Variants in USP18 observed in about 807,000 individuals in gnomAD.
USP18 encodes the protein ubiquitin specific peptidase 18.
Under a neutral mutation model 48.7 loss-of-function variants are expected in USP18, and 11 were observed. That is an observed-to-expected ratio of 0.23 (90% CI 0.14 to 0.37). The LOEUF (loss-of-function observed/expected upper bound fraction) is 0.37, where lower values mean the gene tolerates loss of function less well. USP18 is among the 10% of genes least tolerant of loss of function. USP18 has a pLI of 1.00. For synonymous variants in USP18, 114 were observed against 163.2 expected (o/e 0.70, Z 2.30); for missense variants, 285 against 436.4 (o/e 0.65, Z 3.09).
intron 6 of USP18, among the ~76,000 whole-genome samples, chr22:18,169,253 G>A (rs1929562946): frequency 2.0e-5 from 3 of 151,898 alleles, no homozygotes; most frequent in Non-Finnish European, 2.9e-5. Context: ...TTGTGACAGT[G>A]AGCTCTCATG....
In USP18 at chr22:18,157,880, C is replaced by T. The variant is rs1229512692; in HGVS notation, c.157+60C>T. On this transcript the variant is annotated intron_variant, in intron 2 of 10. Coordinates refer to ENST00000215794, the MANE Select transcript of USP18 (RefSeq NM_017414.4). ...TGCATGTAAATGTTCGGCTCACCCC[C>T]TCCGCTCTGAAGCCGCAGAGCTTTG... is the stretch of plus-strand genomic sequence containing the variant. The T allele has an allele frequency of 4.4e-6, 7 of 1,601,008 alleles. No individual in the cohort carries two copies. In the East Asian group the frequency reaches 1.1e-4, roughly 26 times the overall value.
intron 5 of USP18, among the ~76,000 whole-genome samples, 177 bp from the exon 6 acceptor site, chr22:18,167,713 A>G (rs1461687872): frequency 8.6e-5 from 13 of 151,640 alleles, no homozygotes; most frequent in Non-Finnish European, 1.8e-4. Flanking sequence ...AAAAAAAAAA[A>G]AAAAGAAAAA....
chr22:18,167,817 C>T, intron 5 of USP18, 73 bp from the exon 6 acceptor site: 1 of 1,523,792 alleles, frequency 6.6e-7, no homozygotes, highest in East Asian at 2.3e-5. Context: ...CTCTTGGCTC[C>T]ACCTTCTGGC....
At chr22:18,171,725 T>C (rs1403679097) in intron 8 of USP18, among the ~76,000 whole-genome samples, 1 of 152,166 alleles carries the variant, frequency 6.6e-6, no homozygotes, top group African/African-American at 2.4e-5. Context: ...TATTCCTGTA[T>C]GTACGGGTCT....
At chr22:18,174,614 A>C (rs1929732667) in intron 10 of USP18, among the ~76,000 whole-genome samples, 1 of 151,908 alleles carries the variant, frequency 6.6e-6, no homozygotes, top group South Asian at 2.1e-4. Flanking sequence ...TTAGAGATGG[A>C]GTCTTGCTTT....
At chr22:18,156,301 G>C (rs1929134936) in intron 1 of USP18, among the ~76,000 whole-genome samples, 2 of 152,212 alleles carry the variant, frequency 1.3e-5, no homozygotes. Flanking sequence ...CAATCAGCAG[G>C]ATGTGGGTGG....
intron 1 of USP18, among the ~76,000 whole-genome samples, chr22:18,157,217 C>T (rs1032310828): frequency 1.1e-4 from 17 of 152,386 alleles, no homozygotes; most frequent in Non-Finnish European, 2.4e-4. Context: ...GTATGCCAGC[C>T]TGGCATCAGG....
intron 6 of USP18, among the ~76,000 whole-genome samples, chr22:18,168,345 T>C (rs1376422533): frequency 6.6e-6 from 1 of 152,144 alleles, no homozygotes; most frequent in African/African-American, 2.4e-5. Context: ...CATTAATCCA[T>C]GAGTGGATTA....
intron 3 of USP18, among the ~76,000 whole-genome samples, chr22:18,160,809 C>T (rs1253497999): frequency 2.9e-5 from 4 of 139,444 alleles, no homozygotes; most frequent in East Asian, 4.2e-4. Flanking sequence ...CTCACTCTGT[C>T]CCCAGGCTGG....
intron 4 of USP18, among the ~76,000 whole-genome samples, chr22:18,165,803 CATGCCCACTCGGCCA>C (rs1929459421): frequency 6.7e-6 from 1 of 149,044 alleles, no homozygotes; most frequent in African/African-American, 2.5e-5. Flanking sequence ...ATGGAGAAAG[CATGCCCACTCGGCCA>C]CTTTTCTGCC....
chr22:18,169,596 T>C (rs1485836011), intron 6 of USP18, among the ~76,000 whole-genome samples: 2 of 152,222 alleles, frequency 1.3e-5, no homozygotes, highest in East Asian at 3.9e-4. Context: ...AGACACCTGC[T>C]CCTCCCAGGT....
At chr22:18,157,421 C>A in intron 1 of USP18, 137 bp from the exon 2 acceptor site, 1 of 472,696 alleles carries the variant, frequency 2.1e-6, no homozygotes, top group Non-Finnish European at 3.8e-6. Flanking sequence ...GCTGTCATTT[C>A]CAGCCTAGAG....
Position 18,175,103 on chromosome 22 carries a change from T to C in USP18, c.1073+1261T>C, listed in dbSNP as rs994003605. ...TAATTTTTTGTATTTTTAGTAGAGA[T>C]GGGGTTTCACCGTGTTAGCCAGGAT... On this transcript the variant is annotated intron_variant, in intron 10 of 10. Coordinates refer to ENST00000215794, the MANE Select transcript of USP18 (RefSeq NM_017414.4). Among the ~76,000 whole-genome samples the C allele has an allele frequency of 5.7e-4, 86 of 152,132 alleles. 1 individual carries two copies. In the Middle Eastern group the frequency reaches 0.017, roughly 30 times the overall value.
At chr22:18,160,519 G>T (rs1347716235) in intron 3 of USP18, among the ~76,000 whole-genome samples, 1 of 151,764 alleles carries the variant, frequency 6.6e-6, no homozygotes, top group East Asian at 2.0e-4. Context: ...AGCCAGGAAG[G>T]TCTCGATCTC....
chr22:18,159,451 G>A (rs1929259702), intron 2 of USP18, among the ~76,000 whole-genome samples: 1 of 151,792 alleles, frequency 6.6e-6, no homozygotes, highest in Non-Finnish European at 1.5e-5. Flanking sequence ...GACTTTACAG[G>A]ACTTCATGTC....
At chr22:18,172,969 T>A (rs1330076401) in intron 8 of USP18, among the ~76,000 whole-genome samples, 181 bp from the exon 9 acceptor site, 1 of 151,136 alleles carries the variant, frequency 6.6e-6, no homozygotes, top group Non-Finnish European at 1.5e-5. Flanking sequence ...TGCTGAGCCT[T>A]CGCAGTTCAG....
chr22:18,152,930 C>A (rs1185798576), intron 1 of USP18, among the ~76,000 whole-genome samples: 1 of 152,106 alleles, frequency 6.6e-6, no homozygotes, highest in Non-Finnish European at 1.5e-5. Context: ...CAGCCTGGAA[C>A]CTCTCTGCTC....
At chr22:18,170,496 CG>C (rs1569212479) in intron 7 of USP18, among the ~76,000 whole-genome samples, 1 of 152,194 alleles carries the variant, frequency 6.6e-6, no homozygotes, top group African/African-American at 2.4e-5. Context: ...GGAGCAGACG[CG>C]GTGGCTCCCT....
chr22:18,157,453 A>G (rs1372504778), intron 1 of USP18, 105 bp from the exon 2 acceptor site: 20 of 614,196 alleles, frequency 3.3e-5, no homozygotes, highest in Non-Finnish European at 5.1e-5. Context: ...AGTCTCCCCA[A>G]ACATTTATCT....
Sources: allele counts gnomAD v4.1 joint callset (sites outside exome capture counted in the v4.1 genomes callset), GRCh38; gene constraint gnomAD v4.1.1; transcripts MANE v1.5; gene names NCBI Gene and HGNC (gene_info 2026-07-23, HGNC 2026-07-21).